Variants in LANCL3 observed in about 807,000 individuals in gnomAD.
The protein encoded by LANCL3 is LanC like family member 3.
LANCL3 carries 19 observed loss-of-function variants against 26.5 expected under a neutral mutation model. That is an observed-to-expected ratio of 0.72 (90% CI 0.50 to 1.05). LANCL3 has a LOEUF of 1.05. Among genes scored for constraint, LANCL3 ranks in the 50% least tolerant of loss-of-function variants. LANCL3 has a pLI of 0.00. For missense variants in LANCL3, 318 were observed against 362.7 expected, an observed-to-expected ratio of 0.88 and a Z score of 1.00; for synonymous variants, 160 against 166.6, an observed-to-expected ratio of 0.96 and a Z score of 0.30.
At chrX:37,607,887 A>G (rs1556420715) in intron 1 of LANCL3, among the ~76,000 whole-genome samples, 1 of 112,455 alleles carries the variant, frequency 8.9e-6, no homozygotes, top group African/African-American at 3.2e-5. Flanking sequence ...GTCAGGGTGC[A>G]TTTACCAGCA....
chrX:37,654,290 C>T (rs2098540225), intron 1 of LANCL3, among the ~76,000 whole-genome samples: 1 of 112,536 alleles, frequency 8.9e-6, no homozygotes, highest in Non-Finnish European at 1.9e-5. Flanking sequence ...ATCAGAGGAG[C>T]AATTTATGAA....
intron 1 of LANCL3, among the ~76,000 whole-genome samples, chrX:37,650,728 T>C (rs1223701828): frequency 9.3e-6 from 1 of 107,060 alleles, no homozygotes; most frequent in Non-Finnish European, 1.9e-5. Context: ...TTCACTCTCT[T>C]TTTTTTTTCT....
At chrX:37,606,601 T>A (rs782547374) in intron 1 of LANCL3, among the ~76,000 whole-genome samples, 1 of 111,574 alleles carries the variant, frequency 9.0e-6, no homozygotes, top group African/African-American at 3.3e-5. Flanking sequence ...GTTGAATGAA[T>A]AGATGGAACC....
At chrX:37,584,656 G>T (rs1924009079) in intron 1 of LANCL3, among the ~76,000 whole-genome samples, 1 of 111,548 alleles carries the variant, frequency 9.0e-6, no homozygotes, top group Non-Finnish European at 1.9e-5. Context: ...TGTGGGATCG[G>T]TGGTGATATC....
At chrX:37,644,189 A>G (rs1037526611) in intron 1 of LANCL3, among the ~76,000 whole-genome samples, 2 of 111,280 alleles carry the variant, frequency 1.8e-5, no homozygotes, top group South Asian at 7.7e-4. Flanking sequence ...AGTGCTACTC[A>G]AGAGGTGCTT....
chrX:37,653,128 A>G (rs1556429724), intron 1 of LANCL3, among the ~76,000 whole-genome samples: 1 of 111,306 alleles, frequency 9.0e-6, no homozygotes, highest in Non-Finnish European at 1.9e-5. Flanking sequence ...CCACCCAGAC[A>G]TGATACATGA....
In LANCL3 at chrX:37,571,814, T is replaced by C; in HGVS notation, c.-57T>C. ...GAGAGCCGGAGGTGGTGTGCGGGGCTGCAGGGCACGACTTCAAGCGGTCCT... is the reference window on the plus strand; with the variant it reads ...GAGAGCCGGAGGTGGTGTGCGGGGCCGCAGGGCACGACTTCAAGCGGTCCT... On this transcript the variant is annotated 5_prime_UTR_variant, in exon 1 of 5. Transcript: ENST00000378619. The C allele has an allele frequency of 1.9e-6, 2 of 1,058,824 alleles. No homozygotes were observed. Among genetic ancestry groups the C allele is most frequent in the Non-Finnish European group, 2.6e-6 (2 of 783,188 alleles). The allele number at this position is 1,058,824 out of a possible 1,213,427, so 87.3% of individuals were successfully genotyped here.
chrX:37,611,835 T>C (rs1165352574), intron 1 of LANCL3, among the ~76,000 whole-genome samples: 1 of 112,510 alleles, frequency 8.9e-6, no homozygotes, highest in Non-Finnish European at 1.9e-5. Flanking sequence ...GTCATATGAC[T>C]GTTTTGTGGA....
intron 1 of LANCL3, among the ~76,000 whole-genome samples, chrX:37,617,673 G>A (rs1004927120): frequency 3.6e-5 from 4 of 111,575 alleles, no homozygotes; most frequent in South Asian, 7.6e-4. Context: ...GGATAGAGCT[G>A]CTGTTAGCAG....
At chrX:37,647,825 C>T (rs934331999) in intron 1 of LANCL3, among the ~76,000 whole-genome samples, 1 of 112,730 alleles carries the variant, frequency 8.9e-6, no homozygotes, top group South Asian at 3.7e-4. Context: ...ACGCATACTC[C>T]GTATATTGTA....
intron 1 of LANCL3, among the ~76,000 whole-genome samples, chrX:37,626,252 G>C (rs1925312543): frequency 1.8e-5 from 2 of 112,036 alleles, no homozygotes; most frequent in Non-Finnish European, 3.8e-5. Context: ...CTCTGAGTTG[G>C]TGTAAAGATA....
intron 1 of LANCL3, among the ~76,000 whole-genome samples, chrX:37,634,349 C>G (rs1239562566): frequency 8.8e-6 from 1 of 113,026 alleles, no homozygotes; most frequent in African/African-American, 3.2e-5. Context: ...TCTGTTACCC[C>G]TTTCTTTGAC....
intron 1 of LANCL3, among the ~76,000 whole-genome samples, chrX:37,604,078 C>T (rs1404097883): frequency 8.9e-6 from 1 of 112,661 alleles, no homozygotes; most frequent in Non-Finnish European, 1.9e-5. Flanking sequence ...GCCAAAGGCT[C>T]AGCCTCCCTG....
At chrX:37,572,530 C>G (rs1347873892) in intron 1 of LANCL3, 87 bp downstream of exon 1, 10 of 793,520 alleles carry the variant, frequency 1.3e-5, no homozygotes, top group Non-Finnish European at 1.6e-5. Context: ...AGCACTGTCC[C>G]GAGTTGCTCT....
intron 1 of LANCL3, among the ~76,000 whole-genome samples, chrX:37,632,958 CT>C (rs1925576704): frequency 9.0e-6 from 1 of 111,148 alleles, no homozygotes; most frequent in South Asian, 3.8e-4. Flanking sequence ...CGAGGAGTAT[CT>C]TTGTGGCATT....
chrX:37,631,001 G>A (rs1295358488), intron 1 of LANCL3, among the ~76,000 whole-genome samples: 4 of 111,633 alleles, frequency 3.6e-5, no homozygotes, highest in Admixed American at 1.9e-4. Flanking sequence ...TTTTTCTATT[G>A]ATTGGAATAG....
Position 37,659,584 on chromosome X carries a change from T to C in LANCL3, c.820T>C (p.Cys274Arg). The change falls in exon 3 of 5, where the codon TGC becomes CGC. Residue 274 changes from cysteine (C) to arginine (R), a missense_variant. Cys to Arg is a radical substitution (Grantham distance 180, BLOSUM62 -3). Coordinates refer to ENST00000378619, the MANE Select transcript of LANCL3 (RefSeq NM_001170331.2). Reference protein sequence around the residue: ...VDFLMEQEQNCNWPPELGETI... With the variant: ...VDFLMEQEQNRNWPPELGETI... ...CTTTCTCATGGAACAGGAACAAAAC[T>C]GCAACTGGCCACCTGAGCTCGGCGA... 1 of 1,210,746 alleles carries C rather than the reference T, an allele frequency of 8.3e-7. No individual in the cohort carries two copies.
chrX:37,610,898 A>C (rs1924848907), intron 1 of LANCL3, among the ~76,000 whole-genome samples: 1 of 111,964 alleles, frequency 8.9e-6, no homozygotes, highest in African/African-American at 3.3e-5. Flanking sequence ...CGAGACAAGG[A>C]TTTGGGAGTA....
intron 3 of LANCL3, among the ~76,000 whole-genome samples, chrX:37,659,880 A>G (rs905423403): frequency 8.9e-6 from 1 of 111,917 alleles, no homozygotes; most frequent in Non-Finnish European, 1.9e-5. Flanking sequence ...ATTTGTTTAT[A>G]AAGTTAAACT....
Sources: gnomAD v4.1 joint callset for allele counts (sites outside exome capture counted in the v4.1 genomes callset) on GRCh38, gnomAD v4.1.1 for gene constraint, MANE v1.5 for transcripts, NCBI Gene and HGNC (gene_info 2026-07-23, HGNC 2026-07-21) for gene names.